The following CACNA1A variants were observed in gnomAD, a reference collection of about 807,000 sequenced individuals.
The protein encoded by CACNA1A is voltage-dependent P/Q-type calcium channel subunit alpha-1A.
In CACNA1A, 57 loss-of-function variants were observed where a neutral mutation model predicts 262.4. That is an observed-to-expected ratio of 0.22 (90% confidence interval 0.18 to 0.27). CACNA1A has a LOEUF of 0.27. CACNA1A is among the 10% of genes least tolerant of loss of function. The pLI is 1.00. For synonymous variants in CACNA1A, 1,431 were observed against 1,419.3 expected (o/e 1.01, Z -0.18); for missense variants, 2,526 against 3,562.8 (o/e 0.71, Z 7.41).
chr19:13,322,175 C>A (rs1238520745), intron 10 of CACNA1A, among the ~76,000 whole-genome samples: 1 of 140,622 alleles, frequency 7.1e-6, no homozygotes, highest in African/African-American at 2.7e-5. Context: ...GCACTCCAGC[C>A]TGGGTGATGG....
At chr19:13,209,525 T>G in intron 44 of CACNA1A, 27 bp from the exon 45 acceptor site, 7 of 1,283,152 alleles carry the variant, frequency 5.5e-6, no homozygotes, top group Non-Finnish European at 7.0e-6. Flanking sequence ...GCCGGTGGGC[T>G]GGGGTCAGCA....
intron 8 of CACNA1A, among the ~76,000 whole-genome samples, chr19:13,333,316 C>A (rs540719642): frequency 1.3e-5 from 2 of 152,266 alleles, no homozygotes; most frequent in East Asian, 3.9e-4. Context: ...CTGTCTCTGC[C>A]TGGAATGCCC....
Position 13,368,898 on chromosome 19 carries a change from C to T in CACNA1A, c.631+2790G>A, listed in dbSNP as rs1416948687. Among the ~76,000 whole-genome samples the T allele has an allele frequency of 7.0e-5, 10 of 143,532 alleles. 4 individuals are homozygous for T. Among genetic ancestry groups the T allele is most frequent in the African/African-American group, 2.6e-4 (9 of 34,312 alleles). 94.2% of individuals were successfully genotyped at this position (143,532 alleles called of 152,430 possible). On this transcript the variant is annotated intron_variant, in intron 4 of 46. Transcript: ENST00000360228. ...CTAAAAATACAAAAAATTAGCCGGG[C>T]GTGGTAGCGGGCGCCTGTAGTCCCA...
rs376359916 is a variant in CACNA1A at position 13,277,150 on chromosome 19, G to C, written c.3823-22C>G. The C allele has an allele frequency of 4.9e-5, 78 of 1,583,222 alleles. 2 individuals carry two copies. In the South Asian group the frequency reaches 5.5e-4, roughly 11 times the overall value. The stretch of plus-strand genomic sequence containing the variant: ...GCACCTGTAAGGGATAAAAGCAAGA[G>C]AGCAGTGGATCACTGGCCTGTTCCA... On this transcript the variant is annotated intron_variant, in intron 22 of 46. Coordinates refer to ENST00000360228, the MANE Select transcript of CACNA1A (RefSeq NM_001127222.2).
intron 31 of CACNA1A, among the ~76,000 whole-genome samples, chr19:13,238,749 C>G (rs991671319): frequency 6.6e-6 from 1 of 152,116 alleles, no homozygotes; most frequent in Non-Finnish European, 1.5e-5. Flanking sequence ...CCACGCCTGG[C>G]TAATTTTTGT....
chr19:13,333,166 A>T (rs578189940), intron 8 of CACNA1A, among the ~76,000 whole-genome samples: 1 of 152,042 alleles, frequency 6.6e-6, no homozygotes, highest in Non-Finnish European at 1.5e-5. Context: ...ACCACAGCCT[A>T]TAAGCCCCTG....
rs545145704 is a variant in CACNA1A, at chr19:13,478,074, G to A, written c.294-22862C>T. Among the ~76,000 whole-genome samples the A allele has an allele frequency of 2.0e-5, 3 of 152,244 alleles. No individual in the cohort carries two copies. In the South Asian group the frequency reaches 6.2e-4, roughly 32 times the overall value. ...TGTTCTTGGAAACTCAAAGAACTAAGCACCTCCCTCGAGCTGCTGTGCAAA... is the reference window on the plus strand; with the variant it reads ...TGTTCTTGGAAACTCAAAGAACTAAACACCTCCCTCGAGCTGCTGTGCAAA... On this transcript the variant is annotated intron_variant, in intron 1 of 46. Coordinates refer to ENST00000360228, the MANE Select transcript of CACNA1A (RefSeq NM_001127222.2).
intron 1 of CACNA1A, among the ~76,000 whole-genome samples, chr19:13,469,615 A>ATT (rs745335031): frequency 0.047 from 6,267 of 133,736 alleles, 256 homozygotes; most frequent in East Asian, 0.19. Context: ...CGCCTGGCTA[A>ATT]TTTTTTTTTT....
At chr19:13,383,337 A>G (rs1338504454) in intron 3 of CACNA1A, among the ~76,000 whole-genome samples, 1 of 152,208 alleles carries the variant, frequency 6.6e-6, no homozygotes, top group Non-Finnish European at 1.5e-5. Flanking sequence ...GCCTGAGCTA[A>G]CTGAAGGATG....
chr19:13,300,290 T>G (rs2057761043), intron 18 of CACNA1A, among the ~76,000 whole-genome samples: 1 of 151,918 alleles, frequency 6.6e-6, no homozygotes, highest in South Asian at 2.1e-4. Context: ...ACTCCTTCCC[T>G]TGCTAGAATG....
chr19:13,334,050 T>A lies in CACNA1A; in HGVS notation c.1198+328A>T, dbSNP rs10402089. 0.13 allele frequency: 33,237 copies of A among 262,256 alleles called. 3,035 individuals carry two copies. The highest frequency in any genetic ancestry group is 0.37 in the East Asian group (4,471 of 12,230). The allele number at this position is 262,256 out of a possible 1,614,324, so 16.2% of individuals were successfully genotyped here. ...CTAAATACTCCAATAGTACTATGAC[T>A]TAGGCACTACCATCGCCTCCATGTA... On this transcript the variant is annotated intron_variant, in intron 8 of 46. Transcript: ENST00000360228.
At chr19:13,385,466 G>A (rs1192011882) in intron 3 of CACNA1A, among the ~76,000 whole-genome samples, 1 of 151,898 alleles carries the variant, frequency 6.6e-6, no homozygotes, top group Admixed American at 6.6e-5. Context: ...CTGACCTTGC[G>A]ATTCACCTGC....
intron 3 of CACNA1A, among the ~76,000 whole-genome samples, chr19:13,374,147 C>T (rs2059368315): frequency 6.6e-6 from 1 of 152,116 alleles, no homozygotes; most frequent in Non-Finnish European, 1.5e-5. Context: ...CAAGAAATGA[C>T]ATGGTGTCAC....
At chr19:13,449,180 C>T (rs1174305880) in intron 3 of CACNA1A, among the ~76,000 whole-genome samples, 1 of 151,724 alleles carries the variant, frequency 6.6e-6, no homozygotes, top group African/African-American at 2.4e-5. Flanking sequence ...GTTGCCCAGG[C>T]TGGTCTTAAA....
Position 13,435,181 on chromosome 19 carries a change from T to G in CACNA1A, c.539+17695A>C, listed in dbSNP as rs181039048. The stretch of plus-strand genomic sequence containing the variant: ...CAGGCTGGAGTGCAGTGGCGCAATC[T>G]TGGCTCACTGCAACCTCTGCCTCCT... On this transcript the variant is annotated intron_variant, in intron 3 of 46. Transcript: ENST00000360228. Among the ~76,000 whole-genome samples, 3 of 152,054 alleles carry G rather than the reference T, an allele frequency of 2.0e-5. No individual in the cohort carries two copies. In the East Asian group the frequency reaches 5.8e-4, roughly 29 times the overall value.
rs748201242 is a variant in CACNA1A, at chr19:13,359,663, T to C, written c.921A>G (p.Ala307=). The C allele has an allele frequency of 6.2e-7, 1 of 1,610,532 alleles. No individual in the cohort carries two copies. The highest frequency in any genetic ancestry group is 8.5e-7 in the Non-Finnish European group (1 of 1,178,454). ...GITQFDNILF[A]VLTVFQCITM... Reference sequence around the variant, plus strand: ...TTATGCACTGGAAAACAGTCAGCACTGCAAACAGGATGTTGTCGAACTGAG... The same window carrying C: ...TTATGCACTGGAAAACAGTCAGCACCGCAAACAGGATGTTGTCGAACTGAG... The change falls in exon 6 of 47, where the codon GCA becomes GCG. Residue 307 remains alanine (A), a synonymous_variant. Transcript: ENST00000360228.
At chr19:13,502,455 T>C (rs1982501938) in intron 1 of CACNA1A, among the ~76,000 whole-genome samples, 1 of 151,978 alleles carries the variant, frequency 6.6e-6, no homozygotes, top group African/African-American at 2.4e-5. Context: ...AAGGAGTGAG[T>C]GGCATTAAGT....
At position 13,207,400 on chromosome 19, in the gene CACNA1A, CGGGTAGTAGCCGTTG is replaced by C. The variant is rs1173238272; in HGVS notation, c.7419_7433del (p.Asn2474_Pro2478del). On this transcript the variant is annotated inframe_deletion, in exon 47 of 47. Coordinates refer to ENST00000360228, the MANE Select transcript of CACNA1A (RefSeq NM_001127222.2). This position sits in a 1 kb window ranked among gnomAD's most constrained non-coding sequence, Gnocchi z 5.7. ...CGCGGGGCCTGGCCAGTCCGTGCGC[CGGGTAGTAGCCGTTG>C]GGGAGTCGCCGGCCGTGCCGAGAAG... The C allele has an allele frequency of 6.5e-7, 1 of 1,536,852 alleles. No individual in the cohort carries two copies. Among genetic ancestry groups the C allele is most frequent in the Non-Finnish European group, 8.7e-7 (1 of 1,147,306 alleles).
intron 24 of CACNA1A, among the ~76,000 whole-genome samples, chr19:13,263,764 A>G (rs1164133308): frequency 2.7e-5 from 4 of 150,446 alleles, no homozygotes; most frequent in Non-Finnish European, 5.9e-5. Context: ...CAGGTGATCC[A>G]CCCACCTTGG....
Sources: gnomAD v4.1 joint callset for allele counts (sites outside exome capture counted in the v4.1 genomes callset) on GRCh38, gnomAD v4.1.1 for gene constraint, Gnocchi (gnomAD v3.1) non-coding constraint, MANE v1.5 for transcripts, NCBI Gene and HGNC (gene_info 2026-07-23, HGNC 2026-07-21) for gene names.